PALM2AKAP2: variants seen among roughly 807,000 people sequenced by gnomAD.
The protein encoded by PALM2AKAP2 is PALM2 and AKAP2 fusion, also known as PALM2-AKAP2 fusion protein.
PALM2AKAP2 carries 37 observed loss-of-function variants against 71.5 expected under a neutral mutation model. That is an observed-to-expected ratio of 0.52 (90% CI 0.40 to 0.68). The LOEUF (loss-of-function observed/expected upper bound fraction) is 0.68. Among genes scored for constraint, PALM2AKAP2 ranks in the 30% least tolerant of loss-of-function variants. PALM2AKAP2 has a pLI of 0.00. For synonymous variants in PALM2AKAP2, 468 were observed against 478.8 expected, an observed-to-expected ratio of 0.98 and a Z score of 0.29; for missense variants, 1,224 against 1,191.8, an observed-to-expected ratio of 1.03 and a Z score of -0.40.
chr9:110,073,791 T>A (rs1473200997), intron 1 of PALM2AKAP2, among the ~76,000 whole-genome samples: 1 of 152,248 alleles, frequency 6.6e-6, no homozygotes, highest in Non-Finnish European at 1.5e-5. Context: ...TTCTTAAATA[T>A]AACTAACAAA....
At chr9:110,023,459 C>T (rs986396086) in intron 7 of PALM2AKAP2, among the ~76,000 whole-genome samples, 2 of 151,708 alleles carry the variant, frequency 1.3e-5, no homozygotes, top group Non-Finnish European at 2.9e-5. Context: ...GATTAACAGG[C>T]CTGTGCCACC....
chr9:109,908,808 GCACACACA>G (rs59715039), intron 3 of PALM2AKAP2, among the ~76,000 whole-genome samples: 13,159 of 150,186 alleles, frequency 0.088, 1,000 homozygotes, highest in East Asian at 0.26. Context: ...GGATGCGTGT[GCACACACA>G]CACACACACA....
chr9:109,998,273 T>A (rs1167968115), intron 6 of PALM2AKAP2, among the ~76,000 whole-genome samples: 1 of 152,214 alleles, frequency 6.6e-6, no homozygotes, highest in Non-Finnish European at 1.5e-5. Flanking sequence ...CTACTGACTG[T>A]GAGACTTTGA....
At chr9:109,849,888 A>C (rs1464560225) in intron 1 of PALM2AKAP2, among the ~76,000 whole-genome samples, 3 of 152,186 alleles carry the variant, frequency 2.0e-5, no homozygotes, top group African/African-American at 7.2e-5. Flanking sequence ...CTTTCATTAC[A>C]TTAGGCCTTT....
intron 6 of PALM2AKAP2, among the ~76,000 whole-genome samples, chr9:109,975,169 A>G (rs962996769): frequency 1.3e-5 from 2 of 152,200 alleles, no homozygotes; most frequent in Non-Finnish European, 2.9e-5. Context: ...GGATTGGCTC[A>G]CTCAATTATG....
At chr9:109,924,169 A>G (rs1490138370) in intron 4 of PALM2AKAP2, among the ~76,000 whole-genome samples, 1 of 152,160 alleles carries the variant, frequency 6.6e-6, no homozygotes. Context: ...TTCTAAAACC[A>G]ATTCTGATGA....
At position 109,690,240 on chromosome 9, in the gene PALM2AKAP2, T is replaced by G. The variant is rs184592687; in HGVS notation, c.5+49374T>G. ...TTCACAATCTAGAAATATGTACTTTTAAAATTTCTAATAGTTGGTATAGAT... is the reference window on the plus strand; with the variant it reads ...TTCACAATCTAGAAATATGTACTTTGAAAATTTCTAATAGTTGGTATAGAT... On this transcript the variant is annotated intron_variant, in intron 1 of 6. Coordinates refer to the PALM2AKAP2 transcript ENST00000374531. Among the ~76,000 whole-genome samples the G allele has an allele frequency of 1.2e-3, 180 of 152,332 alleles. 1 individual carries two copies. The highest frequency in any genetic ancestry group is 4.1e-3 in the African/African-American group (169 of 41,584).
At chr9:109,822,961 G>A (rs16914525) in intron 1 of PALM2AKAP2, among the ~76,000 whole-genome samples, 3,961 of 152,196 alleles carry the variant, frequency 0.026, 65 homozygotes, top group Non-Finnish European at 0.032. Flanking sequence ...GCCATAGTCC[G>A]CCTCTGTATT....
chr9:109,935,071 C>G (rs1352905217), intron 6 of PALM2AKAP2, among the ~76,000 whole-genome samples: 1 of 152,188 alleles, frequency 6.6e-6, no homozygotes, highest in Non-Finnish European at 1.5e-5. Flanking sequence ...ACATTCCCTC[C>G]CATTTCAAAC....
intron 1 of PALM2AKAP2, among the ~76,000 whole-genome samples, chr9:109,712,116 A>T (rs1045187560): frequency 6.6e-5 from 10 of 152,076 alleles, no homozygotes; most frequent in African/African-American, 2.4e-4. Context: ...TAGAACTGTG[A>T]ACTTTTTCAC....
chr9:110,124,785 T>C (rs1181177508), intron 1 of PALM2AKAP2, among the ~76,000 whole-genome samples: 1 of 152,186 alleles, frequency 6.6e-6, no homozygotes, highest in Non-Finnish European at 1.5e-5. Context: ...CAGATGCATC[T>C]GTCCACTTTG....
At chr9:110,106,324 A>G (rs1191383324) in intron 1 of PALM2AKAP2, among the ~76,000 whole-genome samples, 1 of 152,208 alleles carries the variant, frequency 6.6e-6, no homozygotes, top group Non-Finnish European at 1.5e-5. Flanking sequence ...GAAATCAGAG[A>G]GTTGGGTCCA....
At chr9:110,032,651 A>T (rs1833301575) in intron 7 of PALM2AKAP2, among the ~76,000 whole-genome samples, 1 of 151,446 alleles carries the variant, frequency 6.6e-6, no homozygotes, top group Non-Finnish European at 1.5e-5. Context: ...AGATTGTGCC[A>T]CTGCACTCCA....
chr9:110,168,351 T>C lies in PALM2AKAP2; in HGVS notation c.2749-48T>C, dbSNP rs377153378. 3.1e-6 allele frequency: 5 copies of C among 1,592,270 alleles called. No individual in the cohort carries two copies. In the African/African-American group the frequency reaches 5.4e-5, roughly 17 times the overall value. The stretch of plus-strand genomic sequence containing the variant: ...AAACAGAGAAGTCGGTTTATGTTCA[T>C]AATTAACATCCATGAACTCTGCATA... On this transcript the variant is annotated intron_variant, in intron 3 of 3. Transcript: ENST00000374525.
At chr9:110,052,526 A>G (rs1833732133) in intron 1 of PALM2AKAP2, among the ~76,000 whole-genome samples, 1 of 152,262 alleles carries the variant, frequency 6.6e-6, no homozygotes, top group South Asian at 2.1e-4. Flanking sequence ...CTATTCTAAA[A>G]GGAAAATCTA....
intron 1 of PALM2AKAP2, among the ~76,000 whole-genome samples, chr9:109,807,731 C>T (rs960079354): frequency 5.3e-5 from 8 of 152,050 alleles, no homozygotes; most frequent in Admixed American, 3.3e-4. Flanking sequence ...ACTAATTCAC[C>T]CCCTGATATG....
intron 1 of PALM2AKAP2, among the ~76,000 whole-genome samples, chr9:109,741,908 A>G (rs1340701012): frequency 1.3e-5 from 2 of 152,218 alleles, no homozygotes. Flanking sequence ...AAGTGAGAAG[A>G]AAGTTGCTGG....
chr9:110,151,890 A>G (rs1478565139), intron 2 of PALM2AKAP2, among the ~76,000 whole-genome samples: 1 of 152,172 alleles, frequency 6.6e-6, no homozygotes, highest in Non-Finnish European at 1.5e-5. Context: ...TGAGGTCTAC[A>G]TGGCACTGTG....
At chr9:109,965,875 T>C (rs1032223161) in intron 6 of PALM2AKAP2, among the ~76,000 whole-genome samples, 4 of 152,048 alleles carry the variant, frequency 2.6e-5, no homozygotes, top group African/African-American at 7.2e-5. Context: ...TACTTTAAAC[T>C]AAAAGTAGTC....
Sources: gnomAD v4.1 joint callset for allele counts (sites outside exome capture counted in the v4.1 genomes callset) on GRCh38, gnomAD v4.1.1 for gene constraint, MANE v1.5 for transcripts, NCBI Gene and HGNC (gene_info 2026-07-23, HGNC 2026-07-21) for gene names.